Variants in GRM8 observed in about 807,000 individuals in gnomAD.
GRM8 encodes glutamate metabotropic receptor 8.
Under a neutral mutation model 87.2 loss-of-function variants are expected in GRM8, and 47 were observed. The observed-to-expected ratio is 0.54, with a 90% CI of 0.43 to 0.69. The LOEUF is 0.69. Among genes scored for constraint, GRM8 ranks in the 30% least tolerant of loss-of-function variants. The pLI is 0.00. For missense variants in GRM8, 1,019 were observed against 1,139.2 expected, an observed-to-expected ratio of 0.89 and a Z score of 1.52; for synonymous variants, 396 against 404.5, an observed-to-expected ratio of 0.98 and a Z score of 0.25.
intron 6 of GRM8, among the ~76,000 whole-genome samples, chr7:126,793,054 C>T (rs992909482): frequency 2.0e-5 from 3 of 152,116 alleles, no homozygotes; most frequent in Non-Finnish European, 4.4e-5. Context: ...TTTTCCCTGC[C>T]AGAAACAGAA....
At chr7:126,633,859 C>T (rs1050616752) in intron 7 of GRM8, among the ~76,000 whole-genome samples, 3 of 151,008 alleles carry the variant, frequency 2.0e-5, no homozygotes, top group South Asian at 2.1e-4. Flanking sequence ...AATTTAAGTC[C>T]CTATTTTATA....
intron 3 of GRM8, among the ~76,000 whole-genome samples, chr7:127,015,232 GAAGAAGAAGAAGAAGA>G (rs1815502781): frequency 7.5e-6 from 1 of 132,954 alleles, no homozygotes; most frequent in Non-Finnish European, 1.6e-5. Context: ...AGAAGAAGAA[GAAGAAGAAGAAGAAGA>G]AGAAGAAGAA....
At chr7:126,655,053 G>A (rs1355567675) in intron 7 of GRM8, among the ~76,000 whole-genome samples, 2 of 152,084 alleles carry the variant, frequency 1.3e-5, no homozygotes, top group Non-Finnish European at 1.5e-5. Flanking sequence ...GGCCAGAAAA[G>A]TAAAAAAAGA....
chr7:126,793,267 A>G (rs1296956230), intron 6 of GRM8, among the ~76,000 whole-genome samples: 1 of 152,180 alleles, frequency 6.6e-6, no homozygotes, highest in African/African-American at 2.4e-5. Flanking sequence ...ATATCTACCA[A>G]TTGCATTTTA....
At chr7:126,617,727 C>A (rs1799666230) in intron 7 of GRM8, among the ~76,000 whole-genome samples, 1 of 152,116 alleles carries the variant, frequency 6.6e-6, no homozygotes, top group Non-Finnish European at 1.5e-5. Flanking sequence ...TTCTTATACA[C>A]CAATAACAGA....
intron 6 of GRM8, among the ~76,000 whole-genome samples, chr7:126,821,173 C>T (rs970009732): frequency 4.6e-5 from 7 of 152,222 alleles, no homozygotes; most frequent in African/African-American, 1.4e-4. Context: ...CCAACTATTA[C>T]CACAGATGCA....
At chr7:126,455,918 A>G (rs1236066502) in intron 9 of GRM8, among the ~76,000 whole-genome samples, 3 of 151,724 alleles carry the variant, frequency 2.0e-5, no homozygotes, top group Non-Finnish European at 4.4e-5. Flanking sequence ...TAATATAAAC[A>G]TACAAAAATA....
At chr7:126,752,832 T>C (rs74975856) in intron 7 of GRM8, among the ~76,000 whole-genome samples, 2,796 of 152,186 alleles carry the variant, frequency 0.018, 79 homozygotes, top group African/African-American at 0.063. Context: ...GGTGACACTT[T>C]CCTTGACTTC....
intron 9 of GRM8, among the ~76,000 whole-genome samples, chr7:126,523,443 T>G (rs1490022434): frequency 2.0e-5 from 3 of 151,932 alleles, no homozygotes. Context: ...AAAAGATGAG[T>G]GATTTAGTGT....
chr7:126,659,489 A>AT (rs1026865251), intron 7 of GRM8, among the ~76,000 whole-genome samples: 2 of 152,190 alleles, frequency 1.3e-5, no homozygotes, highest in Non-Finnish European at 2.9e-5. Context: ...GAAGTGAAAG[A>AT]TTTTTTAAAG....
chr7:127,043,582 A>T (rs1323431577), intron 3 of GRM8, among the ~76,000 whole-genome samples: 1 of 152,182 alleles, frequency 6.6e-6, no homozygotes, highest in African/African-American at 2.4e-5. Context: ...ACATGGATTC[A>T]GGAAGGGGAA....
At chr7:126,686,890 C>T (rs752643302) in intron 7 of GRM8, among the ~76,000 whole-genome samples, 3 of 152,126 alleles carry the variant, frequency 2.0e-5, no homozygotes, top group Admixed American at 6.5e-5. Flanking sequence ...TTCCTTCTAT[C>T]CAAAGATATG....
At chr7:126,733,430 T>C (rs1262671950) in intron 7 of GRM8, among the ~76,000 whole-genome samples, 2 of 150,068 alleles carry the variant, frequency 1.3e-5, no homozygotes, top group African/African-American at 2.4e-5. Context: ...TCTTTCTTCC[T>C]AATTAAAAAA....
chr7:126,620,876 CTT>C (rs1800091107), intron 7 of GRM8, among the ~76,000 whole-genome samples: 2 of 152,062 alleles, frequency 1.3e-5, no homozygotes, highest in Admixed American at 1.3e-4. Context: ...TTATACATCT[CTT>C]TGTTAGTGCA....
At chr7:127,059,331 C>CTTTTTTT (rs10618329) in intron 3 of GRM8, among the ~76,000 whole-genome samples, 7 of 130,586 alleles carry the variant, frequency 5.4e-5, no homozygotes, top group Non-Finnish European at 8.2e-5. Context: ...TTTTTTTTTG[C>CTTTTTTT]TTTTTTTTTT....
intron 8 of GRM8, among the ~76,000 whole-genome samples, chr7:126,607,482 C>A (rs1798472222): frequency 6.6e-6 from 1 of 151,972 alleles, no homozygotes; most frequent in Non-Finnish European, 1.5e-5. Flanking sequence ...TTAAAAATAT[C>A]AAATTGATGT....
intron 7 of GRM8, among the ~76,000 whole-genome samples, chr7:126,718,080 A>G (rs993518863): frequency 2.4e-4 from 37 of 151,896 alleles, no homozygotes; most frequent in African/African-American, 8.0e-4. Context: ...AAAAAAAAAT[A>G]CAAAAAATTA....
chr7:126,783,660 G>A (rs1261136857), intron 6 of GRM8, among the ~76,000 whole-genome samples: 2 of 152,174 alleles, frequency 1.3e-5, no homozygotes, highest in Admixed American at 6.6e-5. Context: ...ATTGAACACT[G>A]CAAATGTTCA....
intron 2 of GRM8, among the ~76,000 whole-genome samples, chr7:127,200,323 A>T (rs1223471855): frequency 6.6e-6 from 1 of 152,202 alleles, no homozygotes; most frequent in African/African-American, 2.4e-5. Flanking sequence ...GAACTCTTAC[A>T]TGTAGATAAT....
Sources: gnomAD v4.1 joint callset for allele counts (sites outside exome capture counted in the v4.1 genomes callset) on GRCh38, gnomAD v4.1.1 for gene constraint, MANE v1.5 for transcripts, NCBI Gene and HGNC (gene_info 2026-07-23, HGNC 2026-07-21) for gene names.